The following FMN2 variants were observed in gnomAD, a reference collection of about 807,000 sequenced individuals.
FMN2 encodes formin-2.
Under a neutral mutation model 142.3 loss-of-function variants are expected in FMN2, and 51 were observed. That is an observed-to-expected ratio of 0.36 (90% confidence interval 0.29 to 0.45). The LOEUF (loss-of-function observed/expected upper bound fraction) is 0.45. FMN2 is among the 20% of genes least tolerant of loss of function. The pLI, the probability that FMN2 is intolerant of heterozygous loss-of-function variation, is 1.00. For missense variants in FMN2, 1,936 were observed against 2,122.8 expected (o/e 0.91, Z 1.73); for synonymous variants, 882 against 869.8 (o/e 1.01, Z -0.25).
At chr1:240,358,520 G>A (rs1672351520) in intron 14 of FMN2, among the ~76,000 whole-genome samples, 1 of 152,150 alleles carries the variant, frequency 6.6e-6, no homozygotes. Flanking sequence ...ATAAAGAAAA[G>A]ATCTTTAATT....
intron 13 of FMN2, among the ~76,000 whole-genome samples, chr1:240,351,309 A>G (rs960702221): frequency 6.6e-6 from 1 of 152,284 alleles, no homozygotes; most frequent in East Asian, 1.9e-4. Context: ...CTGCTTAGTA[A>G]GGAAAAAGCT....
intron 7 of FMN2, among the ~76,000 whole-genome samples, chr1:240,274,103 A>T (rs994998226): frequency 4.6e-5 from 7 of 151,644 alleles, no homozygotes; most frequent in African/African-American, 1.7e-4. Flanking sequence ...CTGTTTGCCT[A>T]CTCTCTGCCA....
chr1:240,203,847 T>C (rs896754611), intron 4 of FMN2, among the ~76,000 whole-genome samples: 7 of 152,312 alleles, frequency 4.6e-5, no homozygotes, highest in African/African-American at 1.2e-4. Flanking sequence ...TTATTTTTTT[T>C]CCCACTATGG....
intron 6 of FMN2, among the ~76,000 whole-genome samples, chr1:240,240,379 C>G (rs1667852207): frequency 6.6e-6 from 1 of 152,104 alleles, no homozygotes. Flanking sequence ...TTATTATGCA[C>G]CAAATAATGT....
chr1:240,096,554 CAGAG>C (rs1490424661), intron 1 of FMN2, among the ~76,000 whole-genome samples: 1 of 152,104 alleles, frequency 6.6e-6, no homozygotes, highest in East Asian at 1.9e-4. Context: ...TGGAAATTAC[CAGAG>C]GCTTGGGGAA....
intron 15 of FMN2, among the ~76,000 whole-genome samples, chr1:240,432,363 G>A (rs914838305): frequency 5.3e-5 from 8 of 151,838 alleles, no homozygotes; most frequent in African/African-American, 1.2e-4. Flanking sequence ...TTCATCCCTA[G>A]TATTGATATT....
intron 2 of FMN2, among the ~76,000 whole-genome samples, chr1:240,158,890 GTATT>G (rs1204460480): frequency 2.6e-5 from 4 of 151,954 alleles, no homozygotes; most frequent in Non-Finnish European, 5.9e-5. Context: ...GTTTCATATT[GTATT>G]TATTATTCTT....
intron 15 of FMN2, among the ~76,000 whole-genome samples, chr1:240,411,369 G>A (rs1364706733): frequency 2.6e-5 from 4 of 152,144 alleles, no homozygotes; most frequent in Admixed American, 6.5e-5. Flanking sequence ...TTAGGAGTTC[G>A]AGACCTGCCT....
At chr1:240,402,936 AT>A (rs1336645838) in intron 15 of FMN2, among the ~76,000 whole-genome samples, 2 of 152,182 alleles carry the variant, frequency 1.3e-5, no homozygotes, top group Admixed American at 6.5e-5. Flanking sequence ...TAAAAACTAT[AT>A]TTTCAGGTGA....
intron 13 of FMN2, among the ~76,000 whole-genome samples, chr1:240,349,973 A>G (rs1672035888): frequency 6.6e-6 from 1 of 151,576 alleles, no homozygotes; most frequent in Non-Finnish European, 1.5e-5. Flanking sequence ...TTTTATTTAC[A>G]TAGTCACATA....
At chr1:240,314,890 A>AT (rs1670721329) in intron 8 of FMN2, among the ~76,000 whole-genome samples, 1 of 152,226 alleles carries the variant, frequency 6.6e-6, no homozygotes, top group African/African-American at 2.4e-5. Context: ...CTTTGAGAAC[A>AT]TTAACAAGCC....
chr1:240,226,562 G>T (rs192599548), intron 6 of FMN2, among the ~76,000 whole-genome samples: 1 of 152,124 alleles, frequency 6.6e-6, no homozygotes, highest in African/African-American at 2.4e-5. Flanking sequence ...AAATGATATG[G>T]TAATTTGAGA....
chr1:240,421,610 T>G (rs1674764871), intron 15 of FMN2, among the ~76,000 whole-genome samples: 1 of 152,176 alleles, frequency 6.6e-6, no homozygotes, highest in Non-Finnish European at 1.5e-5. Flanking sequence ...TGACTATATT[T>G]GTTTTGTGGG....
chr1:240,098,939 A>T (rs1299624616), intron 1 of FMN2, among the ~76,000 whole-genome samples: 1 of 152,206 alleles, frequency 6.6e-6, no homozygotes, highest in Admixed American at 6.5e-5. Context: ...GAAAATATAC[A>T]GTTGGATGAA....
intron 15 of FMN2, among the ~76,000 whole-genome samples, chr1:240,427,407 G>A (rs904176822): frequency 6.6e-6 from 1 of 151,784 alleles, no homozygotes; most frequent in African/African-American, 2.4e-5. Flanking sequence ...GGGTTTCACC[G>A]TGTTAGCCAG....
At position 240,115,154 on chromosome 1, in the gene FMN2, A is replaced by T. The variant is rs187446875; in HGVS notation, c.1616-8025A>T. Among the ~76,000 whole-genome samples, 34 of 152,304 alleles carry T rather than the reference A, an allele frequency of 2.2e-4. No individual in the cohort carries two copies. In the East Asian group the frequency reaches 5.8e-3, roughly 26 times the overall value. On this transcript the variant is annotated intron_variant, in intron 1 of 17. Transcript: ENST00000319653. ...TTTTATTTTTCTGGTTTCTTTAAAT[A>T]TATTTAATATGTTTAAATCAATTAA...
chr1:240,283,315 C>G (rs769156218), intron 7 of FMN2, among the ~76,000 whole-genome samples: 8 of 152,178 alleles, frequency 5.3e-5, no homozygotes, highest in Non-Finnish European at 7.3e-5. Context: ...CTGTCTGTTG[C>G]TCTTTTCTTT....
intron 4 of FMN2, among the ~76,000 whole-genome samples, chr1:240,194,493 A>G (rs950218067): frequency 3.9e-5 from 6 of 152,190 alleles, no homozygotes; most frequent in African/African-American, 9.7e-5. Flanking sequence ...GAATAAAGGA[A>G]TAGGGAGAAG....
rs547938318 is a variant in FMN2, at chr1:240,258,538, C to T, written c.4153+506C>T. On this transcript the variant is annotated intron_variant, in intron 7 of 17. Transcript: ENST00000319653. ...TTCTACCCTTGTGACCTAATGACCA[C>T]GCGACCTAGTGACCACCACCTAGGA... Among the ~76,000 whole-genome samples, 11 of 152,268 alleles carry T rather than the reference C, an allele frequency of 7.2e-5. No homozygotes were observed. The South Asian group carries it at 8.3e-4, about 11-fold the overall frequency.
Sources: allele counts gnomAD v4.1 joint callset (sites outside exome capture counted in the v4.1 genomes callset), GRCh38; gene constraint gnomAD v4.1.1; transcripts MANE v1.5; gene names NCBI Gene and HGNC (gene_info 2026-07-23, HGNC 2026-07-21).